Variants in MGST1 observed in about 807,000 individuals in gnomAD.
MGST1 encodes the protein glutathione S-transferase 12.
A neutral mutation model predicts 8.9 loss-of-function variants in MGST1; 5 were observed. The observed-to-expected ratio is 0.56, with a 90% CI of 0.29 to 1.19. MGST1 has a LOEUF of 1.19. Among genes scored for constraint, MGST1 ranks in the 50% most tolerant of loss-of-function variants. The probability of loss-of-function intolerance (pLI) is 0.08; values close to 1 mark genes in which losing one functional copy is unlikely to be tolerated. For missense variants in MGST1, 182 were observed against 187.4 expected, an observed-to-expected ratio of 0.97 and a Z score of 0.17; for synonymous variants, 54 against 67.8, an observed-to-expected ratio of 0.80 and a Z score of 1.00.
At chr12:16,554,963 G>T (rs1019210498) in intron 4 of MGST1, among the ~76,000 whole-genome samples, 2 of 152,124 alleles carry the variant, frequency 1.3e-5, no homozygotes, top group South Asian at 4.1e-4. Flanking sequence ...CGCCCGGCCA[G>T]GTTTAAATCT....
chr12:16,432,024 A>T (rs1342867994), intron 1 of MGST1, among the ~76,000 whole-genome samples: 1 of 152,068 alleles, frequency 6.6e-6, no homozygotes, highest in Non-Finnish European at 1.5e-5. Context: ...TAAATATTTG[A>T]CTGGTCCTTT....
downstream of MGST1, among the ~76,000 whole-genome samples, chr12:16,443,524 T>C (rs186853541): frequency 6.6e-6 from 1 of 151,972 alleles, no homozygotes; most frequent in Non-Finnish European, 1.5e-5. Context: ...ATCATTGTTT[T>C]GTGGTTACTC....
chr12:16,513,375 CCCT>C lies in MGST1; in HGVS notation n.483-76149_483-76147del, dbSNP rs1941588876. ...TGCTCCGTCCTGCGTCTGCCCACTG[CCCT>C]CCTACCGTCCACCATGGCTCCTCTG... On this transcript the variant is annotated intron_variant and non_coding_transcript_variant, in intron 4 of 4. Transcript: ENST00000538857. The surrounding 1 kb of genome is among the most constrained non-coding windows in gnomAD (Gnocchi z 4.2). The C allele has an allele frequency of 2.7e-6, 1 of 367,216 alleles. No individual in the cohort carries two copies. The highest frequency in any genetic ancestry group is 2.1e-5 in the South Asian group (1 of 47,770). 22.7% of individuals were successfully genotyped at this position (367,216 alleles called of 1,614,324 possible).
At chr12:16,464,179 A>G (rs1310645780) in intron 4 of MGST1, among the ~76,000 whole-genome samples, 2 of 152,262 alleles carry the variant, frequency 1.3e-5, no homozygotes, top group African/African-American at 4.8e-5. Context: ...GATCCTGCAC[A>G]TAGTGAATGG....
rs1024221215 is a variant in MGST1, at chr12:16,500,011, A to G, written n.483-89517A>G. Among the ~76,000 whole-genome samples the G allele has an allele frequency of 7.2e-5, 11 of 152,238 alleles. No homozygotes were observed. Among genetic ancestry groups the G allele is most frequent in the African/African-American group, 2.7e-4 (11 of 41,470 alleles). On this transcript the variant is annotated intron_variant and non_coding_transcript_variant, in intron 4 of 4. Transcript: ENST00000538857. This position sits in a 1 kb window ranked among gnomAD's most constrained non-coding sequence, Gnocchi z 4.3. ...TTGGTGAGTCATTTCTGATCATTTT[A>G]AAGGACAGTCTTAGAATTTCAAGGA... is the stretch of plus-strand genomic sequence containing the variant.
At chr12:16,568,343 T>C (rs972842818) in intron 4 of MGST1, among the ~76,000 whole-genome samples, 3 of 152,180 alleles carry the variant, frequency 2.0e-5, no homozygotes, top group Non-Finnish European at 2.9e-5. Flanking sequence ...CAGAGAAACA[T>C]AGAAAACAGA....
chr12:16,380,936 G>A (rs2137039700), downstream of MGST1, among the ~76,000 whole-genome samples: 1 of 152,244 alleles, frequency 6.6e-6, no homozygotes, highest in African/African-American at 2.4e-5. Flanking sequence ...TTGGTTTAAA[G>A]TCTGTTTTAT....
chr12:16,452,324 A>G (rs1941135300), intron 4 of MGST1, among the ~76,000 whole-genome samples: 1 of 151,568 alleles, frequency 6.6e-6, no homozygotes, highest in Non-Finnish European at 1.5e-5. Context: ...TTGCCACATC[A>G]TATACTAGTG....
rs1356838122 is a variant in MGST1, at chr12:16,410,555, C to CTATTATATG, written n.779-26830_779-26822dup. ...ATATTTGATTATATATGTTTATACACTATTATATGTACGTAATATATATTT... is the reference window on the plus strand; with the variant it reads ...ATATTTGATTATATATGTTTATACACTATTATATGTATTATATGTACGTAATATATATTT... On this transcript the variant is annotated intron_variant and non_coding_transcript_variant, in intron 1 of 1. Coordinates refer to the MGST1 transcript ENST00000359720. This position sits in a 1 kb window ranked among gnomAD's most constrained non-coding sequence, Gnocchi z 4.4. Among the ~76,000 whole-genome samples the CTATTATATG allele has an allele frequency of 6.7e-6, 1 of 148,848 alleles. No homozygotes were observed. The highest frequency in any genetic ancestry group is 1.5e-5 in the Non-Finnish European group (1 of 67,456).
chr12:16,352,177 G>GAAAGT (rs1249720326), intron 1 of MGST1, among the ~76,000 whole-genome samples: 1 of 152,182 alleles, frequency 6.6e-6, no homozygotes, highest in East Asian at 1.9e-4. Flanking sequence ...CAAAGGTGAT[G>GAAAGT]AAAGTAGTGT....
chr12:16,502,848 G>A (rs1036620917), intron 4 of MGST1, among the ~76,000 whole-genome samples: 3 of 152,126 alleles, frequency 2.0e-5, no homozygotes, highest in Non-Finnish European at 4.4e-5. Context: ...GTGACTATGG[G>A]AACAGAAATT....
intron 4 of MGST1, among the ~76,000 whole-genome samples, chr12:16,518,194 T>C (rs1179730240): frequency 3.3e-5 from 5 of 152,210 alleles, no homozygotes; most frequent in African/African-American, 4.8e-5. Context: ...TCTCCAACTC[T>C]GCTATTCAGT....
In MGST1 at chr12:16,483,580, AAATAT is replaced by A. The variant is rs1166441137; in HGVS notation, n.482+99978_482+99982del. On this transcript the variant is annotated intron_variant and non_coding_transcript_variant, in intron 4 of 4. Transcript: ENST00000538857. ...ATCAGACAAAATAGAAATGAAGGCA[AAATAT>A]ATTATTAGAGACTCTAAAAATCAAC... Among the ~76,000 whole-genome samples, 159 of 152,296 alleles carry A rather than the reference AAATAT, an allele frequency of 1.0e-3. 1 individual carries two copies. Among genetic ancestry groups the A allele is most frequent in the Non-Finnish European group, 4.9e-4 (33 of 68,014 alleles).
intron 4 of MGST1, among the ~76,000 whole-genome samples, chr12:16,483,931 A>G (rs377563966): frequency 6.6e-6 from 1 of 152,128 alleles, no homozygotes; most frequent in African/African-American, 2.4e-5. Context: ...ATTTACAAAA[A>G]CCAGCCATAT....
rs1351500182 is a variant in MGST1, at chr12:16,400,939, TTCAG to T, written n.778+17343_778+17346del. On this transcript the variant is annotated intron_variant and non_coding_transcript_variant, in intron 1 of 1. Coordinates refer to the MGST1 transcript ENST00000359720. ...TCTGAATCTCCTGTTCTCCCTTTTG[TTCAG>T]TCAGTCACCTCTTTGCTTCTTCATT... 9 of 1,323,530 alleles carry T rather than the reference TTCAG, an allele frequency of 6.8e-6. No individual in the cohort carries two copies. The East Asian group carries it at 6.9e-5, about 10-fold the overall frequency. 82.0% of individuals were successfully genotyped at this position (1,323,530 alleles called of 1,614,324 possible). A position where few individuals can be genotyped will look rare whatever the true frequency, so the allele number is the denominator to read the frequency against.
intron 4 of MGST1, among the ~76,000 whole-genome samples, chr12:16,459,354 G>C (rs1160392623): frequency 6.6e-6 from 1 of 151,830 alleles, no homozygotes; most frequent in African/African-American, 2.4e-5. Flanking sequence ...TCTTTAACTT[G>C]GTACAATGTG....
At chr12:16,501,892 A>G (rs1941507739) in intron 4 of MGST1, among the ~76,000 whole-genome samples, 1 of 152,296 alleles carries the variant, frequency 6.6e-6, no homozygotes, top group South Asian at 2.1e-4. Context: ...ATTAATTTAA[A>G]TTATTCTAAA....
intron 1 of MGST1, chr12:16,402,506 C>T (rs764048144): frequency 1.4e-5 from 16 of 1,171,920 alleles, no homozygotes; most frequent in Middle Eastern, 2.9e-4. Flanking sequence ...GAATCCCGCA[C>T]TCTTATTCTT....
At chr12:16,427,403 GAC>G (rs1421439754) in intron 1 of MGST1, among the ~76,000 whole-genome samples, 1 of 152,144 alleles carries the variant, frequency 6.6e-6, no homozygotes, top group Non-Finnish European at 1.5e-5. Flanking sequence ...TTTTGTCTGA[GAC>G]AGAGTCTGGC....
Sources: gnomAD v4.1 joint callset for allele counts (sites outside exome capture counted in the v4.1 genomes callset) on GRCh38, gnomAD v4.1.1 for gene constraint, Gnocchi (gnomAD v3.1) non-coding constraint, MANE v1.5 for transcripts, NCBI Gene and HGNC (gene_info 2026-07-23, HGNC 2026-07-21) for gene names.